HDAC9: variants seen among roughly 807,000 people sequenced by gnomAD.
HDAC9 encodes the protein histone deacetylase 9.
HDAC9 carries 41 observed loss-of-function variants against 139.4 expected under a neutral mutation model. That is an observed-to-expected ratio of 0.29 (90% CI 0.23 to 0.38). HDAC9 has a LOEUF of 0.38. HDAC9 is among the 10% of genes least tolerant of loss of function. The pLI, the probability that HDAC9 is intolerant of heterozygous loss-of-function variation, is 1.00. For missense variants in HDAC9, 1,147 were observed against 1,297.0 expected (o/e 0.88, Z 1.78); for synonymous variants, 517 against 476.2 (o/e 1.09, Z -1.12).
chr7:18,359,318 AGCCCGG>A (rs559761688), intron 1 of HDAC9, among the ~76,000 whole-genome samples: 33 of 152,248 alleles, frequency 2.2e-4, no homozygotes, highest in African/African-American at 7.7e-4. Flanking sequence ...ATTGCACTCC[AGCCCGG>A]GCAACGGAGT....
intron 2 of HDAC9, among the ~76,000 whole-genome samples, chr7:18,543,847 G>A (rs1453014443): frequency 6.8e-6 from 1 of 148,042 alleles, no homozygotes; most frequent in Non-Finnish European, 1.5e-5. Flanking sequence ...ATAGGGAACA[G>A]CATATTTAAA....
At chr7:18,722,315 A>G (rs753037433) in intron 12 of HDAC9, among the ~76,000 whole-genome samples, 61 of 152,350 alleles carry the variant, frequency 4.0e-4, no homozygotes, top group Middle Eastern at 6.8e-3. Flanking sequence ...TGTGGAGAGC[A>G]TGTTAACTAT....
At chr7:18,554,899 A>G (rs145807499) in intron 2 of HDAC9, among the ~76,000 whole-genome samples, 9 of 152,252 alleles carry the variant, frequency 5.9e-5, no homozygotes, top group African/African-American at 1.4e-4. Flanking sequence ...GGTCCTTTCT[A>G]TCTTCTCAGT....
intron 2 of HDAC9, among the ~76,000 whole-genome samples, chr7:18,189,723 A>G (rs576719575): frequency 3.3e-5 from 5 of 152,248 alleles, no homozygotes; most frequent in African/African-American, 1.2e-4. Flanking sequence ...ACACTTTGTC[A>G]TATCTGAGAC....
chr7:18,281,563 C>T (rs1261224910), intron 2 of HDAC9, among the ~76,000 whole-genome samples: 1 of 152,182 alleles, frequency 6.6e-6, no homozygotes, highest in African/African-American at 2.4e-5. Flanking sequence ...AAAGCTTCAG[C>T]GTAGAAGAGG....
Position 18,591,581 on chromosome 7 carries a change from A to G in HDAC9, c.481A>G (p.Lys161Glu). 1 of 1,613,540 alleles carries G rather than the reference A, an allele frequency of 6.2e-7. No individual in the cohort carries two copies. The highest frequency in any genetic ancestry group is 8.5e-7 in the Non-Finnish European group (1 of 1,179,762). The change falls in exon 5 of 26, where the codon AAA becomes GAA. Residue 161 changes from lysine (K) to glutamate (E), a missense_variant. By Grantham distance (56) the Lys-to-Glu change is moderately conservative. Around this residue, in one of 7 missense-constraint regions of HDAC9, gnomAD observed 79 missense variants for 65.8 expected, o/e 1.20. Transcript: ENST00000686413. ...QEFLLSKSAT[K>E]DTPTNGKNHS... ...GTTCCTACTGAGTAAATCAGCAACG[A>G]AAGACACTCCAACTAATGGAAAAAA...
At chr7:18,372,077 T>C (rs746869102) in intron 1 of HDAC9, among the ~76,000 whole-genome samples, 1 of 152,222 alleles carries the variant, frequency 6.6e-6, no homozygotes, top group Non-Finnish European at 1.5e-5. Context: ...TCATGGAAGC[T>C]GAATGAGCTC....
intron 2 of HDAC9, among the ~76,000 whole-genome samples, chr7:18,168,926 T>TGTGTGTGTGTGTGCGC (rs1407586998): frequency 1.5e-4 from 19 of 130,056 alleles, no homozygotes; most frequent in African/African-American, 5.6e-4. Context: ...TGTGTGTGTG[T>TGTGTGTGTGTGTGCGC]GCGCGCATGT....
intron 1 of HDAC9, among the ~76,000 whole-genome samples, chr7:18,332,154 C>T (rs1800971558): frequency 6.6e-6 from 1 of 151,676 alleles, no homozygotes; most frequent in African/African-American, 2.4e-5. Flanking sequence ...CACACAGATA[C>T]TTAATAATTT....
chr7:18,717,217 G>C (rs1474331531), intron 12 of HDAC9, among the ~76,000 whole-genome samples: 2 of 152,136 alleles, frequency 1.3e-5, no homozygotes, highest in African/African-American at 4.8e-5. Flanking sequence ...AAAACAGTGA[G>C]CGCATTCTGT....
At chr7:18,989,102 C>T (rs1241351951) in intron 25 of HDAC9, among the ~76,000 whole-genome samples, 1 of 141,288 alleles carries the variant, frequency 7.1e-6, no homozygotes, top group Non-Finnish European at 1.5e-5. Flanking sequence ...TTGATCCTGT[C>T]ATTATGATGT....
intron 16 of HDAC9, among the ~76,000 whole-genome samples, chr7:18,777,327 G>T (rs548305365): frequency 1.8e-5 from 1 of 56,220 alleles, no homozygotes; most frequent in Admixed American, 2.4e-4. Context: ...ACATTTGCAT[G>T]ACCTTTGCAA....
chr7:18,419,499 G>T (rs1024379601), intron 1 of HDAC9, among the ~76,000 whole-genome samples: 7 of 150,656 alleles, frequency 4.6e-5, no homozygotes, highest in Non-Finnish European at 1.0e-4. Context: ...ATAAGTTTTA[G>T]TGTTTTCCAC....
At position 18,480,722 on chromosome 7, in the gene HDAC9, A is replaced by T. The variant is rs559308053; in HGVS notation, c.-41-15540A>T. ...ATTAAATGTGATTGGTACATAGGTG[A>T]TAATGAGTATAAAGTGATGTTGGTT... On this transcript the variant is annotated intron_variant, in intron 1 of 3. Transcript: ENST00000413509. Among the ~76,000 whole-genome samples, 8 of 152,300 alleles carry T rather than the reference A, an allele frequency of 5.3e-5. No individual in the cohort carries two copies. In the East Asian group the frequency reaches 1.5e-3, roughly 29 times the overall value.
chr7:18,380,977 C>T (rs996814154), intron 1 of HDAC9, among the ~76,000 whole-genome samples: 8 of 151,638 alleles, frequency 5.3e-5, no homozygotes, highest in African/African-American at 1.7e-4. Flanking sequence ...GCAGACAGAT[C>T]GCTTGAGGCC....
At chr7:18,166,397 T>C (rs1788015032) in intron 2 of HDAC9, among the ~76,000 whole-genome samples, 1 of 152,220 alleles carries the variant, frequency 6.6e-6, no homozygotes, top group South Asian at 2.1e-4. Context: ...TTCTGTTCAT[T>C]TTCTCGTATT....
intron 2 of HDAC9, among the ~76,000 whole-genome samples, chr7:18,565,467 G>A (rs1821995461): frequency 6.6e-6 from 1 of 152,088 alleles, no homozygotes; most frequent in Non-Finnish European, 1.5e-5. Context: ...CATCATATCA[G>A]AGACAGCTTG....
At chr7:18,456,260 A>G (rs1336145094) in intron 1 of HDAC9, among the ~76,000 whole-genome samples, 2 of 152,130 alleles carry the variant, frequency 1.3e-5, no homozygotes, top group African/African-American at 4.8e-5. Context: ...TTTTTGAGAT[A>G]GAGTCTTTCT....
intron 1 of HDAC9, among the ~76,000 whole-genome samples, chr7:18,132,656 A>G (rs1785089279): frequency 6.6e-6 from 1 of 152,156 alleles, no homozygotes; most frequent in Non-Finnish European, 1.5e-5. Flanking sequence ...ATAATTTTCA[A>G]AAAAGACAGC....
Sources: allele counts gnomAD v4.1 joint callset (sites outside exome capture counted in the v4.1 genomes callset), GRCh38; gene constraint gnomAD v4.1.1; regional missense constraint gnomAD v4.1.1; transcripts MANE v1.5; gene names NCBI Gene and HGNC (gene_info 2026-07-23, HGNC 2026-07-21).